Variants in MIA2 observed in about 807,000 individuals in gnomAD.
MIA2 encodes melanoma inhibitory activity protein 2.
A neutral mutation model predicts 167.8 loss-of-function variants in MIA2; 127 were observed. The ratio of observed to expected loss-of-function variants is 0.76; its 90% confidence interval spans 0.66 to 0.88. The LOEUF is 0.88. Ranked by LOEUF, MIA2 falls within the 40% of genes least tolerant of loss-of-function variation. MIA2 has a pLI of 0.00. For synonymous variants in MIA2, 552 were observed against 541.9 expected, an observed-to-expected ratio of 1.02 and a Z score of -0.26; for missense variants, 1,690 against 1,624.7, an observed-to-expected ratio of 1.04 and a Z score of -0.69.
downstream of MIA2, among the ~76,000 whole-genome samples, chr14:39,355,071 A>G (rs2074485841): frequency 2.5e-5 from 1 of 40,024 alleles, no homozygotes; most frequent in South Asian, 6.9e-4. Context: ...TGAACTTTAA[A>G]GTGGTTTTTT....
chr14:39,348,518 T>C (rs2073892443), intron 27 of MIA2, among the ~76,000 whole-genome samples: 1 of 152,162 alleles, frequency 6.6e-6, no homozygotes, highest in South Asian at 2.1e-4. Flanking sequence ...GACTGTTACT[T>C]TGTTGGTTAA....
chr14:39,278,378 C>G (rs896188908), intron 7 of MIA2, among the ~76,000 whole-genome samples: 2 of 152,266 alleles, frequency 1.3e-5, no homozygotes, highest in Middle Eastern at 6.8e-3. Flanking sequence ...TTATGGTTTT[C>G]TATACCTTTT....
intron 6 of MIA2, among the ~76,000 whole-genome samples, chr14:39,264,650 C>A (rs1030686555): frequency 6.6e-6 from 1 of 152,156 alleles, no homozygotes; most frequent in African/African-American, 2.4e-5. Flanking sequence ...TCAATATGTT[C>A]TGAGAACAAC....
intron 9 of MIA2, among the ~76,000 whole-genome samples, chr14:39,290,794 G>T (rs1026363646): frequency 1.3e-5 from 2 of 152,154 alleles, no homozygotes; most frequent in African/African-American, 4.8e-5. Context: ...ACTCTTAGAG[G>T]TGAAGTTCTG....
rs774305317 is a variant in MIA2 at position 39,321,025 on chromosome 14, C to G, written c.3465C>G (p.Leu1155=). 6.2e-7 allele frequency: 1 copy of G among 1,613,518 alleles called. No homozygotes were observed. Among genetic ancestry groups the G allele is most frequent in the South Asian group, 1.1e-5 (1 of 90,998 alleles). Reference sequence around the variant, plus strand: ...CTTTGTTGGAGGGTCCACTCAGACTCTCACCTTTGCTTCCAGGGGGAGGAG... The same window carrying G: ...CTTTGTTGGAGGGTCCACTCAGACTGTCACCTTTGCTTCCAGGGGGAGGAG... ...PPTLLEGPLR[L]SPLLPGGGGR... Residue 1155 remains leucine (L), a synonymous_variant, in exon 24 of 29, where the codon CTC becomes CTG. Transcript: ENST00000640607.
chr14:39,245,638 C>G (rs763418634), intron 3 of MIA2, among the ~76,000 whole-genome samples: 7 of 152,148 alleles, frequency 4.6e-5, no homozygotes. Context: ...TCTCACAGTT[C>G]TGAAGGCTGA....
chr14:39,238,811 A>AAAAAAAAAAAAAAAAAAAAG, intron 2 of MIA2, among the ~76,000 whole-genome samples: 1 of 103,608 alleles, frequency 9.7e-6, no homozygotes, highest in Admixed American at 1.0e-4. Context: ...AAAAAAAAAA[A>AAAAAAAAAAAAAAAAAAAAG]CCCAAAAAAC....
At chr14:39,302,047 C>G (rs2062600508) in intron 14 of MIA2, 82 bp from the exon 15 acceptor site, 1 of 1,452,486 alleles carries the variant, frequency 6.9e-7, no homozygotes, top group South Asian at 1.4e-5. Flanking sequence ...GATTTTTAAA[C>G]TATAACTGTA....
chr14:39,259,049 C>T (rs573912022), intron 6 of MIA2, among the ~76,000 whole-genome samples: 6 of 152,320 alleles, frequency 3.9e-5, no homozygotes, highest in Middle Eastern at 3.4e-3. Context: ...AGTCAGGAGG[C>T]GCGGGGGTCA....
chr14:39,302,480 CT>C lies in MIA2; in HGVS notation c.2740+239del, dbSNP rs989199095. 5.9e-5 allele frequency among the ~76,000 whole-genome samples: 9 copies of C among 152,084 alleles called. No individual in the cohort carries two copies. The South Asian group carries it at 8.3e-4, about 14-fold the overall frequency. ...CTCAGACACACTTACAGCCTCCTCCCTTTTTTTTGTGTATTATACATATCTT... is the reference window on the plus strand; with the variant it reads ...CTCAGACACACTTACAGCCTCCTCCCTTTTTTTGTGTATTATACATATCTT... On this transcript the variant is annotated intron_variant, in intron 15 of 28. Coordinates refer to ENST00000640607, the MANE Select transcript of MIA2 (RefSeq NM_001329214.4).
chr14:39,298,212 A>G (rs573456587), intron 13 of MIA2, among the ~76,000 whole-genome samples: 4 of 151,858 alleles, frequency 2.6e-5, no homozygotes, highest in Admixed American at 6.6e-5. Context: ...GTTTTCATCT[A>G]ACTCCCTTGT....
At position 39,279,526 on chromosome 14, in the gene MIA2, G is replaced by A. The variant is rs369990672; in HGVS notation, c.2119G>A (p.Val707Ile). 4 of 1,598,730 alleles carry A rather than the reference G, an allele frequency of 2.5e-6. No individual in the cohort carries two copies. The African/African-American group carries it at 5.4e-5, about 21-fold the overall frequency. ...TAAACTACTTGAAAAATTTAGCCTT[G>A]TTCAAAAAGAGGTAAGATATTTTTG... ...KSKLLEKFSL[V>I]QKEYEGYEVE... Residue 707 changes from valine (V) to isoleucine (I), a missense_variant, in exon 9 of 29, where the codon GTT becomes ATT. Transcript: ENST00000640607.
At chr14:39,263,106 G>A (rs548967525) in intron 6 of MIA2, among the ~76,000 whole-genome samples, 193 of 152,258 alleles carry the variant, frequency 1.3e-3, no homozygotes, top group African/African-American at 4.4e-3. Flanking sequence ...TTTTCAAAGG[G>A]AATGCTTCCA....
intron 23 of MIA2, chr14:39,370,896 C>CAGAT (rs1262378764): frequency 6.6e-6 from 1 of 152,312 alleles, no homozygotes; most frequent in African/African-American, 2.4e-5. Flanking sequence ...GGAAAACGGT[C>CAGAT]AGATAGAAGA....
At chr14:39,357,634 T>C (rs1198068281) in intron 23 of MIA2, among the ~76,000 whole-genome samples, 4 of 152,228 alleles carry the variant, frequency 2.6e-5, no homozygotes, top group African/African-American at 9.6e-5. Context: ...GTTGATGCAC[T>C]TTCTTCCTAG....
chr14:39,328,194 T>A (rs1429637921), intron 25 of MIA2, among the ~76,000 whole-genome samples: 4 of 152,240 alleles, frequency 2.6e-5, no homozygotes, highest in African/African-American at 9.6e-5. Flanking sequence ...CATTGTGGTT[T>A]TGATTTGCAT....
chr14:39,374,479 T>C (rs1373681561), intron 23 of MIA2, among the ~76,000 whole-genome samples: 1 of 152,230 alleles, frequency 6.6e-6, no homozygotes, highest in African/African-American at 2.4e-5. Context: ...ACAGATATGA[T>C]GATGGCTATC....
intron 24 of MIA2, among the ~76,000 whole-genome samples, chr14:39,324,882 C>A (rs1002780592): frequency 6.6e-6 from 1 of 152,134 alleles, no homozygotes; most frequent in African/African-American, 2.4e-5. Flanking sequence ...GCTAGGATTA[C>A]AGGCATGAGC....
chr14:39,245,957 A>G (rs1016231410), intron 3 of MIA2, among the ~76,000 whole-genome samples: 2 of 152,292 alleles, frequency 1.3e-5, no homozygotes, highest in Admixed American at 1.3e-4. Context: ...GTGTTCAGTC[A>G]GTGTGTTCTT....
Sources: gnomAD v4.1 joint callset for allele counts (sites outside exome capture counted in the v4.1 genomes callset) on GRCh38, gnomAD v4.1.1 for gene constraint, MANE v1.5 for transcripts, NCBI Gene and HGNC (gene_info 2026-07-23, HGNC 2026-07-21) for gene names.